The following ARHGEF6 variants were observed in gnomAD, a reference collection of about 807,000 sequenced individuals.
ARHGEF6 encodes Rac/Cdc42 guanine nucleotide exchange factor 6.
A neutral mutation model predicts 70.3 loss-of-function variants in ARHGEF6; 9 were observed. That is an observed-to-expected ratio of 0.13 (90% CI 0.08 to 0.22). The LOEUF (loss-of-function observed/expected upper bound fraction) is 0.22. Among genes scored for constraint, ARHGEF6 ranks in the 10% least tolerant of loss-of-function variants. The pLI is 1.00. For missense variants in ARHGEF6, 470 were observed against 563.0 expected (o/e 0.83, Z 1.67); for synonymous variants, 201 against 207.8 (o/e 0.97, Z 0.28).
chrX:136,773,832 C>T (rs147141515), intron 2 of ARHGEF6, among the ~76,000 whole-genome samples: 208 of 112,133 alleles, frequency 1.9e-3, no homozygotes, highest in African/African-American at 6.3e-3. Flanking sequence ...GTCTGCCAAA[C>T]TAGAGAAGGC....
chrX:136,733,973 G>A lies in ARHGEF6; in HGVS notation c.662-1801C>T, dbSNP rs1425737218. The stretch of plus-strand genomic sequence containing the variant: ...TAGAGAAGACCTTGCTGGGAAGGAG[G>A]TACTCGATCTGGCCCTGAAGGGCAG... On this transcript the variant is annotated intron_variant, in intron 5 of 21. Coordinates refer to ENST00000250617, the MANE Select transcript of ARHGEF6 (RefSeq NM_004840.3). Among the ~76,000 whole-genome samples the A allele has an allele frequency of 2.7e-5, 3 of 112,238 alleles. No individual in the cohort carries two copies. In the East Asian group the frequency reaches 8.3e-4, roughly 31 times the overall value.
intron 18 of ARHGEF6, 50 bp from the exon 19 acceptor site, chrX:136,675,146 C>G (rs772624956): frequency 2.8e-6 from 3 of 1,059,500 alleles, no homozygotes; most frequent in Admixed American, 4.5e-5. Flanking sequence ...GCTTTTGGAC[C>G]CTCAAAATGA....
At chrX:136,757,351 T>C (rs1291449480) in intron 2 of ARHGEF6, among the ~76,000 whole-genome samples, 2 of 112,427 alleles carry the variant, frequency 1.8e-5, no homozygotes, top group Non-Finnish European at 3.8e-5. Context: ...TGTCACGCTC[T>C]AGCCTGTCGC....
intron 16 of ARHGEF6, among the ~76,000 whole-genome samples, chrX:136,678,946 G>GA (rs1002878794): frequency 1.1e-4 from 12 of 107,025 alleles, no homozygotes; most frequent in Non-Finnish European, 1.9e-4. Context: ...AACTTTGAGA[G>GA]AAAAAAAAAA....
rs369955658 is a variant in ARHGEF6 at position 136,680,782 on chromosome X, G to A, written c.1653C>T (p.Ala551=). ...EQLNRLIRGP[A]SCSSLSKTSS... The stretch of plus-strand genomic sequence containing the variant: ...AGGTTTTGGATAATGAACTGCAAGA[G>A]GCAGGTCCTCTGATCAGTCTGTTCA... The change falls in exon 15 of 22, where the codon GCC becomes GCT. Residue 551 remains alanine (A), a synonymous_variant. Transcript: ENST00000250617. The A allele has an allele frequency of 2.5e-6, 3 of 1,211,498 alleles. No individual in the cohort carries two copies. The highest frequency in any genetic ancestry group is 3.4e-6 in the Non-Finnish European group (3 of 895,107).
intron 2 of ARHGEF6, chrX:136,767,279 G>A: frequency 2.6e-6 from 2 of 754,890 alleles, no homozygotes; most frequent in Non-Finnish European, 3.1e-6. Context: ...CAAGGCTGCG[G>A]GAACAGATCA....
At chrX:136,737,560 C>G (rs561435) in intron 5 of ARHGEF6, 185,654 of 722,255 alleles carry the variant, frequency 0.26, 20,485 homozygotes, top group East Asian at 0.65. Flanking sequence ...GGAGTTCATT[C>G]AAAGAAATAA....
In ARHGEF6 at chrX:136,747,412, G is replaced by A. The variant is rs190698205; in HGVS notation, c.334+96C>T. ...GGAGCAAGGGGAAAATTTGCATCAC[G>A]AGAACAATCCTGGCCAGAGTTGGCT... On this transcript the variant is annotated intron_variant, in intron 3 of 21. Coordinates refer to ENST00000250617, the MANE Select transcript of ARHGEF6 (RefSeq NM_004840.3). 2.3e-5 allele frequency: 19 copies of A among 813,154 alleles called. No homozygotes were observed. The East Asian group carries it at 3.5e-4, about 15-fold the overall frequency. 67.0% of individuals were successfully genotyped at this position (813,154 alleles called of 1,213,427 possible).
At chrX:136,671,235 G>C (rs776413180) in intron 20 of ARHGEF6, among the ~76,000 whole-genome samples, 173 of 111,955 alleles carry the variant, frequency 1.5e-3, no homozygotes, top group Admixed American at 3.3e-3. Flanking sequence ...CTAATGAGTA[G>C]CAGAAGTGGG....
intron 9 of ARHGEF6, among the ~76,000 whole-genome samples, chrX:136,703,769 G>A (rs1004842226): frequency 1.8e-5 from 2 of 112,636 alleles, no homozygotes; most frequent in African/African-American, 3.2e-5. Context: ...TGATCCGCCC[G>A]CCTTGGCCTC....
intron 6 of ARHGEF6, among the ~76,000 whole-genome samples, chrX:136,724,189 T>C (rs1442771931): frequency 9.2e-6 from 1 of 109,112 alleles, no homozygotes; most frequent in African/African-American, 3.3e-5. Context: ...CAGTGATTCT[T>C]CTGCCTCAGC....
intron 6 of ARHGEF6, among the ~76,000 whole-genome samples, chrX:136,723,377 C>T (rs1382529): frequency 7.1e-5 from 8 of 112,049 alleles, no homozygotes; most frequent in African/African-American, 2.6e-4. Flanking sequence ...AAAAACTCTT[C>T]TGTTTTTTCT....
chrX:136,668,207 G>A (rs1471458769), intron 21 of ARHGEF6, 38 bp from the exon 22 acceptor site: 12 of 1,204,898 alleles, frequency 1.0e-5, no homozygotes, highest in Non-Finnish European at 1.3e-5. Flanking sequence ...TCAAACAGAG[G>A]GGGGCCCTTC....
At chrX:136,674,397 T>C (rs1406308806) in intron 19 of ARHGEF6, among the ~76,000 whole-genome samples, 10 of 112,640 alleles carry the variant, frequency 8.9e-5, no homozygotes, top group South Asian at 3.6e-4. Context: ...TTTAAAAGCA[T>C]AAAGATGAAT....
chrX:136,676,567 G>T (rs1354897682), intron 18 of ARHGEF6, 57 bp downstream of exon 18: 1 of 981,781 alleles, frequency 1.0e-6, no homozygotes, highest in African/African-American at 1.9e-5. Flanking sequence ...TCACATAAAA[G>T]AAGATTCTCA....
chrX:136,714,733 C>T (rs1200846482), intron 6 of ARHGEF6, among the ~76,000 whole-genome samples: 1 of 111,554 alleles, frequency 9.0e-6, no homozygotes, highest in Non-Finnish European at 1.9e-5. Context: ...TGGGAAACCA[C>T]TGGAGTGCAG....
intron 21 of ARHGEF6, among the ~76,000 whole-genome samples, chrX:136,668,530 C>CTTATTATTATTATTATTA (rs1249508000): frequency 1.4e-4 from 14 of 99,991 alleles, no homozygotes; most frequent in African/African-American, 5.8e-4. Context: ...TCTTCTTCTT[C>CTTATTATTATTATTATTA]TTCTTATTAT....
At chrX:136,668,533 CTTA>C (rs58182405) in intron 21 of ARHGEF6, among the ~76,000 whole-genome samples, 2,767 of 98,372 alleles carry the variant, frequency 0.028, 142 homozygotes, top group African/African-American at 0.098. Context: ...TCTTCTTCTT[CTTA>C]TTATTATTAT....
At chrX:136,681,107 C>T (rs2076329052) in intron 14 of ARHGEF6, among the ~76,000 whole-genome samples, 2 of 112,315 alleles carry the variant, frequency 1.8e-5, no homozygotes, top group South Asian at 7.3e-4. Flanking sequence ...ATTTTTACTG[C>T]TTACAGAAGC....
Sources: gnomAD v4.1 joint callset for allele counts (sites outside exome capture counted in the v4.1 genomes callset) on GRCh38, gnomAD v4.1.1 for gene constraint, MANE v1.5 for transcripts, NCBI Gene and HGNC (gene_info 2026-07-23, HGNC 2026-07-21) for gene names.